Variants in NOCT observed in about 807,000 individuals in gnomAD.
NOCT encodes CCR4 carbon catabolite repression 4-like.
A neutral mutation model predicts 35.0 loss-of-function variants in NOCT; 18 were observed. The ratio of observed to expected loss-of-function variants is 0.51; its 90% CI spans 0.36 to 0.76. The LOEUF (loss-of-function observed/expected upper bound fraction) is 0.76. Ranked by LOEUF, NOCT falls within the 30% of genes least tolerant of loss-of-function variation. NOCT has a pLI of 0.01. For missense variants in NOCT, 479 were observed against 541.0 expected, an observed-to-expected ratio of 0.89 and a Z score of 1.14; for synonymous variants, 235 against 226.3, an observed-to-expected ratio of 1.04 and a Z score of -0.34.
chr4:139,028,813 G>A (rs1212924217), intron 1 of NOCT, among the ~76,000 whole-genome samples: 2 of 152,284 alleles, frequency 1.3e-5, no homozygotes, highest in South Asian at 2.1e-4. Flanking sequence ...ACATTATCTC[G>A]AATGTTAATA....
chr4:139,040,888 C>T (rs184452940), intron 1 of NOCT, among the ~76,000 whole-genome samples: 137 of 151,398 alleles, frequency 9.0e-4, no homozygotes, highest in Admixed American at 3.2e-3. Flanking sequence ...TTGTTTTCCC[C>T]AAAAAACCTA....
At chr4:139,043,026 A>C in intron 1 of NOCT, 48 bp from the exon 2 acceptor site, 1 of 1,530,880 alleles carries the variant, frequency 6.5e-7, no homozygotes, top group Admixed American at 1.9e-5. Context: ...CTGGGCGAGA[A>C]GTCAGGAAAA....
In NOCT at chr4:139,025,995, G is replaced by T. The variant is rs557688554; in HGVS notation, c.190+9824G>T. On this transcript the variant is annotated intron_variant, in intron 1 of 2. Coordinates refer to ENST00000280614, the MANE Select transcript of NOCT (RefSeq NM_012118.4). ...CACTGGGAATTTGTATATGAAAATT[G>T]TTTCCCCTCCTTTTTAAGTGACTAA... Among the ~76,000 whole-genome samples, 10 of 152,154 alleles carry T rather than the reference G, an allele frequency of 6.6e-5. No individual in the cohort carries two copies. In the South Asian group the frequency reaches 1.5e-3, roughly 22 times the overall value.
intron 1 of NOCT, among the ~76,000 whole-genome samples, chr4:139,023,168 A>G (rs1047868261): frequency 4.0e-5 from 6 of 151,442 alleles, no homozygotes; most frequent in Non-Finnish European, 8.8e-5. Context: ...GATATCTGGG[A>G]AATTCCTTGG....
At chr4:139,019,764 A>C (rs1022331060) in intron 1 of NOCT, among the ~76,000 whole-genome samples, 1 of 152,176 alleles carries the variant, frequency 6.6e-6, no homozygotes, top group African/African-American at 2.4e-5. Context: ...TCTCAAGGAT[A>C]GCAGCCCCCC....
chr4:139,020,162 TTAA>T (rs2148641934), intron 1 of NOCT, among the ~76,000 whole-genome samples: 1 of 152,274 alleles, frequency 6.6e-6, no homozygotes, highest in East Asian at 1.9e-4. Flanking sequence ...TTCTTTGGGG[TTAA>T]TAACCATGGC....
rs1726869170 is a variant in NOCT at position 139,043,215 on chromosome 4, T to C, written c.332T>C (p.Leu111Pro). 6.2e-7 allele frequency: 1 copy of C among 1,614,078 alleles called. No individual in the cohort carries two copies. ...HLEPIDPKEL[L>P]EECRAVLHTR... ...GAGCCCATTGATCCTAAAGAGCTTCTTGAGGAATGCAGGGCCGTCCTGCAC... is the reference window on the plus strand; with the variant it reads ...GAGCCCATTGATCCTAAAGAGCTTCCTGAGGAATGCAGGGCCGTCCTGCAC... Residue 111 changes from leucine to proline, a missense_variant, in exon 2 of 3, where the codon CTT becomes CCT. Physicochemically the swap from Leu to Pro is moderately conservative, Grantham distance 98. Transcript: ENST00000280614.
chr4:139,036,823 T>C (rs1338668295), intron 1 of NOCT, among the ~76,000 whole-genome samples: 1 of 152,076 alleles, frequency 6.6e-6, no homozygotes, highest in Admixed American at 6.6e-5. Flanking sequence ...GACTATGGGA[T>C]TGGATTAAAT....
chr4:139,043,520 C>CTT (rs200273114), intron 2 of NOCT, 177 bp downstream of exon 2: 2,579 of 453,116 alleles, frequency 5.7e-3, no homozygotes, highest in South Asian at 8.6e-3. Context: ...CTGGTTTTCA[C>CTT]TTTTTTTTTT....
chr4:139,029,066 T>C (rs1214336119), intron 1 of NOCT, among the ~76,000 whole-genome samples: 1 of 152,160 alleles, frequency 6.6e-6, no homozygotes, highest in Non-Finnish European at 1.5e-5. Context: ...CTCAAACTCC[T>C]GACCTCAAGT....
Position 139,033,687 on chromosome 4 carries a change from A to G in NOCT, c.191-9387A>G, listed in dbSNP as rs573298779. On this transcript the variant is annotated intron_variant, in intron 1 of 2. Coordinates refer to ENST00000280614, the MANE Select transcript of NOCT (RefSeq NM_012118.4). ...AGTGAGACCCTGTCTCCAAAAAAAA[A>G]AAAGGGGGAATGTAAAGTTGTTTTT... 9.9e-5 allele frequency among the ~76,000 whole-genome samples: 15 copies of G among 152,246 alleles called. No homozygotes were observed. The East Asian group carries it at 2.1e-3, about 22-fold the overall frequency.
chr4:139,027,244 A>T (rs1257700458), intron 1 of NOCT, among the ~76,000 whole-genome samples: 2 of 148,280 alleles, frequency 1.3e-5, no homozygotes, highest in Non-Finnish European at 3.0e-5. Flanking sequence ...GCGCAGAGCC[A>T]GCTCACTGCA....
intron 1 of NOCT, 72 bp from the exon 2 acceptor site, chr4:139,043,002 A>G: frequency 3.6e-6 from 5 of 1,383,814 alleles, no homozygotes; most frequent in Non-Finnish European, 9.9e-7. Flanking sequence ...GTAAATGTTT[A>G]TCTTACAGTT....
Position 139,016,072 on chromosome 4 carries a change from C to G in NOCT, c.91C>G (p.Pro31Ala). The change falls in exon 1 of 3, where the codon CCG becomes GCG. Residue 31 changes from proline to alanine, a missense_variant. Around this residue, in one of 2 missense-constraint regions of NOCT, gnomAD observed 265 missense variants for 257.0 expected, o/e 1.03. Transcript: ENST00000280614. ...CCTGCCCGCCCCAGGGCTGCGCCGC[C>G]CGTTGTCCCCGCCGGCTGCTGTTCC... ...RRLPAPGLRR[P>A]LSPPAAVPRP... 3 of 1,389,884 alleles carry G rather than the reference C, an allele frequency of 2.2e-6. No homozygotes were observed. The highest frequency in any genetic ancestry group is 2.8e-6 in the Non-Finnish European group (3 of 1,069,922). The allele number at this position is 1,389,884 out of a possible 1,614,324, so 86.1% of individuals were successfully genotyped here.
chr4:139,020,478 A>G (rs577754297), intron 1 of NOCT, among the ~76,000 whole-genome samples: 10 of 152,204 alleles, frequency 6.6e-5, no homozygotes, highest in Admixed American at 2.6e-4. Flanking sequence ...CACACACACA[A>G]TGCCTGGAAG....
At chr4:139,031,211 G>A (rs921842086) in intron 1 of NOCT, among the ~76,000 whole-genome samples, 11 of 151,374 alleles carry the variant, frequency 7.3e-5, no homozygotes, top group Middle Eastern at 3.2e-3. Flanking sequence ...GTGCAGTGGC[G>A]CGATCTCAGC....
At chr4:139,031,243 G>C (rs1436033782) in intron 1 of NOCT, among the ~76,000 whole-genome samples, 5 of 151,868 alleles carry the variant, frequency 3.3e-5, no homozygotes, top group Admixed American at 6.6e-5. Flanking sequence ...TCTGCCTCTG[G>C]GGTTCACGCC....
intron 1 of NOCT, among the ~76,000 whole-genome samples, chr4:139,031,083 A>T (rs1036475955): frequency 1.3e-5 from 2 of 152,114 alleles, no homozygotes; most frequent in African/African-American, 4.8e-5. Context: ...AGAACAGGCA[A>T]TTGGTGGGCA....
chr4:139,027,602 C>T (rs1052539642), intron 1 of NOCT, among the ~76,000 whole-genome samples: 4 of 151,892 alleles, frequency 2.6e-5, no homozygotes, highest in Non-Finnish European at 5.9e-5. Flanking sequence ...CGGGTTCACT[C>T]CATTCTCCTG....
Sources: allele counts gnomAD v4.1 joint callset (sites outside exome capture counted in the v4.1 genomes callset), GRCh38; gene constraint gnomAD v4.1.1; regional missense constraint gnomAD v4.1.1; transcripts MANE v1.5; gene names NCBI Gene and HGNC (gene_info 2026-07-23, HGNC 2026-07-21).